Variants in ZC3H6 observed in about 807,000 individuals in gnomAD.
ZC3H6 encodes the protein zinc finger CCCH-type containing 6.
A neutral mutation model predicts 107.7 loss-of-function variants in ZC3H6; 40 were observed. That is an observed-to-expected ratio of 0.37 (90% CI 0.29 to 0.48). ZC3H6 has a LOEUF of 0.48. Ranked by LOEUF, ZC3H6 falls within the 20% of genes least tolerant of loss-of-function variation. The probability of loss-of-function intolerance (pLI) is 0.98; values close to 1 mark genes in which losing one functional copy is unlikely to be tolerated. For missense variants in ZC3H6, 1,267 were observed against 1,410.4 expected, an observed-to-expected ratio of 0.90 and a Z score of 1.63; for synonymous variants, 493 against 487.9, an observed-to-expected ratio of 1.01 and a Z score of -0.14.
chr2:112,332,540 T>C lies in ZC3H6; in HGVS notation c.*52T>C. 8 of 1,517,768 alleles carry C rather than the reference T, an allele frequency of 5.3e-6. No homozygotes were observed. The highest frequency in any genetic ancestry group is 7.1e-6 in the Non-Finnish European group (8 of 1,130,722). The allele number at this position is 1,517,768 out of a possible 1,614,324, so 94.0% of individuals were successfully genotyped here. A position where few individuals can be genotyped will look rare whatever the true frequency, so the allele number is the denominator to read the frequency against. ...CACTCTTGTGACTATCTCAGTCCTC[T>C]GCTGTTTTGTAACTGGTTTACCTCT... is the stretch of plus-strand genomic sequence containing the variant. On this transcript the variant is annotated 3_prime_UTR_variant, in exon 12 of 12. Coordinates refer to ENST00000409871, the MANE Select transcript of ZC3H6 (RefSeq NM_198581.3).
rs576651179 is a variant in ZC3H6 at position 112,292,024 on chromosome 2, G to C, written c.33-7825G>C. On this transcript the variant is annotated intron_variant, in intron 1 of 11. Coordinates refer to ENST00000409871, the MANE Select transcript of ZC3H6 (RefSeq NM_198581.3). ...GAGCCACTGTGTTTGGCCAGTTCTAGGCATTAAGTTCTAATTGGTTCATTT... is the reference window on the plus strand; with the variant it reads ...GAGCCACTGTGTTTGGCCAGTTCTACGCATTAAGTTCTAATTGGTTCATTT... Among the ~76,000 whole-genome samples, 3 of 152,288 alleles carry C rather than the reference G, an allele frequency of 2.0e-5. No individual in the cohort carries two copies. In the East Asian group the frequency reaches 5.8e-4, roughly 29 times the overall value.
At position 112,292,956 on chromosome 2, in the gene ZC3H6, G is replaced by C. The variant is rs945930693; in HGVS notation, c.33-6893G>C. 2.6e-5 allele frequency among the ~76,000 whole-genome samples: 4 copies of C among 152,080 alleles called. No individual in the cohort carries two copies. The East Asian group carries it at 5.8e-4, about 22-fold the overall frequency. On this transcript the variant is annotated intron_variant, in intron 1 of 11. Transcript: ENST00000409871. ...ACATTGGAGCTATATAATAACTCCA[G>C]TATACCTGGAGTTATTATGCATATA...
At position 112,331,862 on chromosome 2, in the gene ZC3H6, C is replaced by T. The variant is rs761415822; in HGVS notation, c.2944C>T (p.His982Tyr). ...TCACAGACTGCCCAATACAGAGTCT[C>T]ATCAAGTGGTTATGAAGGATTCACA... is the stretch of plus-strand genomic sequence containing the variant. The part of the protein sequence containing the change: ...RLHRLPNTES[H>Y]QVVMKDSHAS... The change falls in exon 12 of 12, where the codon CAT (histidine) becomes TAT (tyrosine). Residue 982 changes from histidine (H) to tyrosine (Y), a missense_variant. Physicochemically the swap from His to Tyr is moderately conservative, Grantham distance 83. Around this residue, in one of 3 missense-constraint regions of ZC3H6, gnomAD observed 925 missense variants for 1,025.7 expected, o/e 0.90. Transcript: ENST00000409871. 9.9e-6 allele frequency: 16 copies of T among 1,613,816 alleles called. No individual in the cohort carries two copies. The highest frequency in any genetic ancestry group is 1.3e-5 in the Non-Finnish European group (15 of 1,179,888).
chr2:112,278,025 A>C (rs899600417), intron 1 of ZC3H6, among the ~76,000 whole-genome samples: 1 of 152,182 alleles, frequency 6.6e-6, no homozygotes, highest in Non-Finnish European at 1.5e-5. Flanking sequence ...GAGAACCGCT[A>C]TACTCGATCA....
At chr2:112,276,989 T>C (rs1427229775) in intron 1 of ZC3H6, among the ~76,000 whole-genome samples, 1 of 150,686 alleles carries the variant, frequency 6.6e-6, no homozygotes, top group African/African-American at 2.5e-5. Context: ...TACTATAGAC[T>C]ATATACATTG....
intron 3 of ZC3H6, among the ~76,000 whole-genome samples, chr2:112,308,432 A>ATTTG (rs1441393414): frequency 9.6e-5 from 14 of 146,362 alleles, no homozygotes; most frequent in Admixed American, 9.5e-4. Context: ...TTATTTATTT[A>ATTTG]TTTATTTATT....
intron 1 of ZC3H6, among the ~76,000 whole-genome samples, chr2:112,279,003 C>G (rs1440616283): frequency 6.6e-6 from 1 of 152,164 alleles, no homozygotes; most frequent in Non-Finnish European, 1.5e-5. Flanking sequence ...AGTGTACTTT[C>G]CTTTAAATAT....
intron 1 of ZC3H6, among the ~76,000 whole-genome samples, chr2:112,276,354 C>CGG (rs1212465274): frequency 6.6e-6 from 1 of 151,612 alleles, no homozygotes; most frequent in Non-Finnish European, 1.5e-5. Flanking sequence ...GGTCCTGCTT[C>CGG]TGCCCGTCCA....
intron 5 of ZC3H6, among the ~76,000 whole-genome samples, chr2:112,312,735 C>A (rs1026449493): frequency 1.3e-5 from 2 of 152,058 alleles, no homozygotes; most frequent in African/African-American, 2.4e-5. Flanking sequence ...TGGTGCACAT[C>A]TGTAGTCCCA....
chr2:112,287,696 G>A (rs1425109929), intron 1 of ZC3H6, among the ~76,000 whole-genome samples: 1 of 152,152 alleles, frequency 6.6e-6, no homozygotes, highest in East Asian at 1.9e-4. Flanking sequence ...CCACCTCCCG[G>A]GTTCACGCTA....
chr2:112,291,510 A>G (rs1676117039), intron 1 of ZC3H6, among the ~76,000 whole-genome samples: 1 of 152,242 alleles, frequency 6.6e-6, no homozygotes, highest in African/African-American at 2.4e-5. Context: ...CTGTGATTAC[A>G]GGCATGAGCC....
chr2:112,317,984 C>G lies in ZC3H6; in HGVS notation c.976+652C>G, dbSNP rs561397815. Among the ~76,000 whole-genome samples, 5 of 152,258 alleles carry G rather than the reference C, an allele frequency of 3.3e-5. No individual in the cohort carries two copies. The East Asian group carries it at 9.6e-4, about 29-fold the overall frequency. ...ATGTTTACATATATGGATTTTTCTT[C>G]TGGACTTCGTGTTTGGCTCCATGGA... On this transcript the variant is annotated intron_variant, in intron 7 of 11. Coordinates refer to ENST00000409871, the MANE Select transcript of ZC3H6 (RefSeq NM_198581.3).
chr2:112,328,311 A>T, intron 11 of ZC3H6, among the ~76,000 whole-genome samples: 1 of 152,148 alleles, frequency 6.6e-6, no homozygotes, highest in East Asian at 1.9e-4. Flanking sequence ...AGGTTTGGCT[A>T]TTCTGAGTCC....
At chr2:112,294,239 G>A (rs555277515) in intron 1 of ZC3H6, among the ~76,000 whole-genome samples, 6 of 152,100 alleles carry the variant, frequency 3.9e-5, no homozygotes, top group East Asian at 1.9e-4. Context: ...TCCAGGGCAC[G>A]AGTACAGAGC....
chr2:112,332,283 G>T lies in ZC3H6; in HGVS notation c.3365G>T (p.Gly1122Val). The T allele has an allele frequency of 1.2e-6, 2 of 1,613,908 alleles. No individual in the cohort carries two copies. Among genetic ancestry groups the T allele is most frequent in the Non-Finnish European group, 1.7e-6 (2 of 1,179,860 alleles). The change falls in exon 12 of 12, where the codon GGT becomes GTT. Residue 1122 changes from glycine (G) to valine (V), a missense_variant. Around this residue, in one of 3 missense-constraint regions of ZC3H6, gnomAD observed 925 missense variants for 1,025.7 expected, o/e 0.90. Transcript: ENST00000409871. ...CAGGCGGACGTTCCCAGGAGTTCTGGTAAGGTTCAGGTCCCAGCAGTGCAC... is the reference window on the plus strand; with the variant it reads ...CAGGCGGACGTTCCCAGGAGTTCTGTTAAGGTTCAGGTCCCAGCAGTGCAC... ...DPQADVPRSS[G>V]KVQVPAVHSL...
At chr2:112,292,991 G>A (rs1676149978) in intron 1 of ZC3H6, among the ~76,000 whole-genome samples, 1 of 152,118 alleles carries the variant, frequency 6.6e-6, no homozygotes, top group East Asian at 1.9e-4. Context: ...ATGCAAGTTA[G>A]GTTCTAATGA....
Position 112,275,928 on chromosome 2 carries a change from TCCC to T in ZC3H6, c.-65_-63del. ...TTCCCGCAGGCGGCGCGGGGGGTCT[TCCC>T]CGCGCCCCGCCGCCGCCGGCCTCGC... On this transcript the variant is annotated 5_prime_UTR_variant, in exon 1 of 12. Transcript: ENST00000409871. The T allele has an allele frequency of 7.1e-7, 1 of 1,407,654 alleles. No individual in the cohort carries two copies. Among genetic ancestry groups the T allele is most frequent in the Middle Eastern group, 2.6e-4 (1 of 3,874 alleles). 87.2% of individuals were successfully genotyped at this position (1,407,654 alleles called of 1,614,324 possible).
At chr2:112,298,026 A>G (rs1307590747) in intron 1 of ZC3H6, among the ~76,000 whole-genome samples, 3 of 152,202 alleles carry the variant, frequency 2.0e-5, no homozygotes, top group Non-Finnish European at 4.4e-5. Context: ...AGGCACGAGA[A>G]TCGCTTGAAC....
intron 1 of ZC3H6, among the ~76,000 whole-genome samples, chr2:112,298,522 T>G (rs1378050452): frequency 2.0e-5 from 3 of 152,262 alleles, no homozygotes; most frequent in Admixed American, 2.0e-4. Context: ...TCAAAATTCA[T>G]GAGCATGGTA....
Sources: allele counts gnomAD v4.1 joint callset (sites outside exome capture counted in the v4.1 genomes callset), GRCh38; gene constraint gnomAD v4.1.1; regional missense constraint gnomAD v4.1.1; transcripts MANE v1.5; gene names NCBI Gene and HGNC (gene_info 2026-07-23, HGNC 2026-07-21).